Variants in CAPZA2 observed in about 807,000 individuals in gnomAD.
CAPZA2 encodes the protein capping actin protein of muscle Z-line subunit alpha 2, also known as F-actin-capping protein subunit alpha-2.
In CAPZA2, 13 loss-of-function variants were observed where a neutral mutation model predicts 44.0. That is an observed-to-expected ratio of 0.30 (90% CI 0.19 to 0.47). CAPZA2 has a LOEUF of 0.47. CAPZA2 is among the 20% of genes least tolerant of loss of function. CAPZA2 has a pLI of 1.00. For synonymous variants in CAPZA2, 94 were observed against 108.2 expected (o/e 0.87, Z 0.81); for missense variants, 244 against 338.6 (o/e 0.72, Z 2.19).
intron 2 of CAPZA2, chr7:116,888,509 A>G (rs56403542): frequency 0.4 from 80,546 of 200,030 alleles, 17,332 homozygotes; most frequent in South Asian, 0.55. Context: ...ATAAACGCAT[A>G]TAGTAGATAT....
intron 2 of CAPZA2, among the ~76,000 whole-genome samples, chr7:116,890,204 T>G (rs569011155): frequency 6.6e-6 from 1 of 152,294 alleles, no homozygotes; most frequent in Non-Finnish European, 1.5e-5. Context: ...AGAAATTGCT[T>G]TCCTAAGTCT....
chr7:116,885,604 T>C (rs148367699), intron 1 of CAPZA2, among the ~76,000 whole-genome samples: 1 of 152,286 alleles, frequency 6.6e-6, no homozygotes, highest in African/African-American at 2.4e-5. Flanking sequence ...ACTGACCAGC[T>C]ATAGATCCAG....
At chr7:116,882,740 T>C (rs1246572489) in intron 1 of CAPZA2, among the ~76,000 whole-genome samples, 1 of 152,238 alleles carries the variant, frequency 6.6e-6, no homozygotes, top group Non-Finnish European at 1.5e-5. Flanking sequence ...TTGTTACTTA[T>C]GTGTATATTT....
intron 1 of CAPZA2, among the ~76,000 whole-genome samples, chr7:116,885,777 G>A (rs1796754408): frequency 6.6e-6 from 1 of 152,136 alleles, no homozygotes; most frequent in South Asian, 2.1e-4. Flanking sequence ...GCTCTCCCCA[G>A]GCACACTACC....
At chr7:116,906,004 C>T (rs1000690881) in intron 5 of CAPZA2, among the ~76,000 whole-genome samples, 1 of 151,958 alleles carries the variant, frequency 6.6e-6, no homozygotes, top group East Asian at 1.9e-4. Flanking sequence ...CTAGAATGTT[C>T]GTGAATATTT....
chr7:116,898,084 G>T (rs1238634745), intron 3 of CAPZA2, among the ~76,000 whole-genome samples: 1 of 151,950 alleles, frequency 6.6e-6, no homozygotes, highest in African/African-American at 2.4e-5. Flanking sequence ...TGTGATGTTG[G>T]ACCTAACTTA....
chr7:116,869,892 C>T (rs753644061), intron 1 of CAPZA2, among the ~76,000 whole-genome samples: 6 of 151,980 alleles, frequency 3.9e-5, no homozygotes, highest in South Asian at 2.1e-4. Flanking sequence ...TTTTTTGAGA[C>T]GGAGTGTTAC....
At chr7:116,880,783 G>A (rs775841324) in intron 1 of CAPZA2, among the ~76,000 whole-genome samples, 7 of 125,002 alleles carry the variant, frequency 5.6e-5, no homozygotes, top group Non-Finnish European at 7.9e-5. Context: ...GGTGTGATAC[G>A]GCTCACTGCA....
At chr7:116,883,776 A>C (rs1184790934) in intron 1 of CAPZA2, among the ~76,000 whole-genome samples, 1 of 152,228 alleles carries the variant, frequency 6.6e-6, no homozygotes, top group Non-Finnish European at 1.5e-5. Context: ...CGAAAATTCT[A>C]AATGGTATAT....
At chr7:116,871,914 C>G (rs1181764486) in intron 1 of CAPZA2, among the ~76,000 whole-genome samples, 2 of 152,162 alleles carry the variant, frequency 1.3e-5, no homozygotes, top group East Asian at 1.9e-4. Flanking sequence ...TTAGAATCAA[C>G]TGGAGAGTTT....
chr7:116,920,324 GATGTA>G lies in CAPZA2; in HGVS notation c.*2460_*2464del, dbSNP rs1326933968. On this transcript the variant is annotated 3_prime_UTR_variant, in exon 10 of 10. Coordinates refer to ENST00000361183, the MANE Select transcript of CAPZA2 (RefSeq NM_006136.3). ...AACCCAGAGTATCCTATAGCTCAGG[GATGTA>G]ATTTTAGTAGGAGACATTATGGCTG... 6.6e-6 allele frequency: 1 copy of G among 152,168 alleles called. No individual in the cohort carries two copies. The highest frequency in any genetic ancestry group is 6.6e-5 in the Admixed American group (1 of 15,260). 9.4% of individuals were successfully genotyped at this position (152,168 alleles called of 1,614,324 possible). A position where few individuals can be genotyped will look rare whatever the true frequency, so the allele number is the denominator to read the frequency against.
At chr7:116,883,636 G>A (rs1396074337) in intron 1 of CAPZA2, among the ~76,000 whole-genome samples, 1 of 152,202 alleles carries the variant, frequency 6.6e-6, no homozygotes, top group Admixed American at 6.5e-5. Flanking sequence ...TTTGGATGTT[G>A]TGGAAGTCCA....
intron 2 of CAPZA2, among the ~76,000 whole-genome samples, chr7:116,890,777 CAAAAAAAA>C (rs576504004): frequency 2.4e-4 from 13 of 53,430 alleles, no homozygotes; most frequent in African/African-American, 4.1e-4. Flanking sequence ...GACTCTGTCT[CAAAAAAAA>C]AAAAAAAAAA....
chr7:116,885,925 C>T (rs1306660736), intron 1 of CAPZA2: 3 of 153,636 alleles, frequency 2.0e-5, no homozygotes, highest in Middle Eastern at 8.1e-4. Flanking sequence ...CAGCCCTTCT[C>T]CCCTCCCTGG....
At chr7:116,892,819 CTT>C (rs59213951) in intron 2 of CAPZA2, among the ~76,000 whole-genome samples, 173 bp from the exon 3 acceptor site, 12 of 139,730 alleles carry the variant, frequency 8.6e-5, no homozygotes, top group Admixed American at 2.9e-4. Flanking sequence ...TAACCAAAAC[CTT>C]TTTTTTTTTT....
At chr7:116,885,257 T>G (rs112975557) in intron 1 of CAPZA2, among the ~76,000 whole-genome samples, 167 of 152,196 alleles carry the variant, frequency 1.1e-3, no homozygotes, top group South Asian at 7.3e-3. Flanking sequence ...TAGTTTTTTT[T>G]TTGTTGTTGT....
intron 4 of CAPZA2, among the ~76,000 whole-genome samples, chr7:116,901,985 A>G (rs1409998386): frequency 6.6e-6 from 1 of 151,894 alleles, no homozygotes; most frequent in Non-Finnish European, 1.5e-5. Flanking sequence ...TTGCCTTACC[A>G]GATAGTACAA....
intron 2 of CAPZA2, among the ~76,000 whole-genome samples, chr7:116,889,098 C>A (rs760814674): frequency 2.6e-5 from 4 of 152,150 alleles, no homozygotes; most frequent in African/African-American, 4.8e-5. Flanking sequence ...AATTATTCAC[C>A]CATAGATCTG....
chr7:116,899,409 C>T lies in CAPZA2; in HGVS notation c.219+574C>T, dbSNP rs528787417. ...GAAGAACTGGTAGGTAGAACATAAGCGAAAGTGGTTAAGAAAGAACATAAG... is the reference window on the plus strand; with the variant it reads ...GAAGAACTGGTAGGTAGAACATAAGTGAAAGTGGTTAAGAAAGAACATAAG... On this transcript the variant is annotated intron_variant, in intron 4 of 9. Coordinates refer to ENST00000361183, the MANE Select transcript of CAPZA2 (RefSeq NM_006136.3). Among the ~76,000 whole-genome samples the T allele has an allele frequency of 4.6e-5, 7 of 151,734 alleles. No individual in the cohort carries two copies. The East Asian group carries it at 5.8e-4, about 13-fold the overall frequency.
Sources: allele counts gnomAD v4.1 joint callset (sites outside exome capture counted in the v4.1 genomes callset), GRCh38; gene constraint gnomAD v4.1.1; transcripts MANE v1.5; gene names NCBI Gene and HGNC (gene_info 2026-07-23, HGNC 2026-07-21).